The following TENM2 variants were observed in gnomAD, a reference collection of about 807,000 sequenced individuals.
TENM2 encodes the protein teneurin-2.
In TENM2, 52 loss-of-function variants were observed where a neutral mutation model predicts 245.2. The observed-to-expected ratio is 0.21, with a 90% CI of 0.17 to 0.27. The LOEUF (loss-of-function observed/expected upper bound fraction) is 0.27, where lower values mean the gene tolerates loss of function less well. Among genes scored for constraint, TENM2 ranks in the 10% least tolerant of loss-of-function variants. TENM2 has a pLI of 1.00. For missense variants in TENM2, 3,046 were observed against 3,666.8 expected, an observed-to-expected ratio of 0.83 and a Z score of 4.37; for synonymous variants, 1,363 against 1,438.9, an observed-to-expected ratio of 0.95 and a Z score of 1.19.
At chr5:167,840,899 G>C (rs1769447384) in intron 2 of TENM2, among the ~76,000 whole-genome samples, 1 of 152,138 alleles carries the variant, frequency 6.6e-6, no homozygotes, top group Non-Finnish European at 1.5e-5. Context: ...TCCGTTTGTG[G>C]GGTAATTGTG....
At chr5:166,979,238 C>CAGCAGCAGCAGCA in the TENM2 span, among the ~76,000 whole-genome samples, 1 of 103,108 alleles carries the variant, frequency 9.7e-6, no homozygotes, top group Non-Finnish European at 2.0e-5. Flanking sequence ...CAGCAGCAGC[C>CAGCAGCAGCAGCA]GCCGCGGCAA....
chr5:167,926,206 G>A lies in TENM2; in HGVS notation c.713-26382G>A, dbSNP rs192716360. Among the ~76,000 whole-genome samples the A allele has an allele frequency of 1.4e-3, 211 of 152,184 alleles. 2 individuals are homozygous for A. The highest frequency in any genetic ancestry group is 4.8e-3 in the African/African-American group (200 of 41,522). On this transcript the variant is annotated intron_variant, in intron 3 of 28. Coordinates refer to ENST00000518659, the Ensembl canonical transcript of TENM2. Reference sequence around the variant, plus strand: ...ATAAAAATAGGAAAGAAAGACCCACGTAAAGATGAAAATGAAAATCACCTG... The same window carrying A: ...ATAAAAATAGGAAAGAAAGACCCACATAAAGATGAAAATGAAAATCACCTG...
At chr5:167,975,752 C>T (rs188557674) in intron 4 of TENM2, among the ~76,000 whole-genome samples, 180 of 151,792 alleles carry the variant, frequency 1.2e-3, no homozygotes, top group African/African-American at 3.6e-3. Context: ...CTTCTGTTTG[C>T]TCATGCCTCA....
chr5:167,084,294 G>A, the TENM2 span, among the ~76,000 whole-genome samples: 4 of 119,526 alleles, frequency 3.3e-5, no homozygotes, highest in Non-Finnish European at 5.0e-5. Context: ...TATAAGCTCA[G>A]TGTTTTGGGA....
chr5:167,615,490 A>G (rs1242854131), intron 2 of TENM2, among the ~76,000 whole-genome samples: 1 of 151,976 alleles, frequency 6.6e-6, no homozygotes, highest in Admixed American at 6.6e-5. Context: ...TATTTATTGT[A>G]TTTTTTACCT....
rs114287695 is a variant in TENM2 at position 167,683,382 on chromosome 5, C to T, written c.503-192604C>T. 9.6e-3 allele frequency among the ~76,000 whole-genome samples: 1,466 copies of T among 152,242 alleles called. 23 individuals are homozygous for T. Among genetic ancestry groups the T allele is most frequent in the African/African-American group, 0.032 (1,320 of 41,542 alleles). On this transcript the variant is annotated intron_variant, in intron 2 of 28. Transcript: ENST00000518659. Reference sequence around the variant, plus strand: ...GGCTCCTATGATGTCATCCTTCCCCCGGTTGCACAAATGTCACTAACCTCT... The same window carrying T: ...GGCTCCTATGATGTCATCCTTCCCCTGGTTGCACAAATGTCACTAACCTCT...
chr5:167,070,284 A>ATTTTTTTTTTTTTTTTTTTTT, the TENM2 span, among the ~76,000 whole-genome samples: 93 of 99,312 alleles, frequency 9.4e-4, 1 homozygote, highest in East Asian at 2.9e-3. Context: ...CGCCCGGCTA[A>ATTTTTTTTTTTTTTTTTTTTT]TTTTTTTTTT....
chr5:167,320,204 GT>G (rs1372594793), intron 1 of TENM2, among the ~76,000 whole-genome samples: 2 of 152,166 alleles, frequency 1.3e-5, no homozygotes, highest in Non-Finnish European at 2.9e-5. Flanking sequence ...TAAAAACAGT[GT>G]TTGTCTTCTG....
intron 2 of TENM2, among the ~76,000 whole-genome samples, chr5:167,805,881 C>G (rs1277625726): frequency 6.6e-6 from 1 of 152,046 alleles, no homozygotes; most frequent in African/African-American, 2.4e-5. Context: ...GAATAATTGT[C>G]CTGGGGGGAC....
intron 13 of TENM2, among the ~76,000 whole-genome samples, chr5:168,188,549 A>G (rs929953768): frequency 6.6e-6 from 1 of 152,234 alleles, no homozygotes; most frequent in African/African-American, 2.4e-5. Flanking sequence ...TTCAACAAAC[A>G]TCTGTTGAGT....
At chr5:167,190,158 G>A in the TENM2 span, among the ~76,000 whole-genome samples, 1 of 152,096 alleles carries the variant, frequency 6.6e-6, no homozygotes, top group Non-Finnish European at 1.5e-5. Context: ...GAGTTGGAGA[G>A]TCACAGCCCT....
chr5:167,848,134 A>G (rs1000260561), intron 2 of TENM2, among the ~76,000 whole-genome samples: 5 of 152,198 alleles, frequency 3.3e-5, no homozygotes, highest in Non-Finnish European at 7.3e-5. Flanking sequence ...AGGAACATGT[A>G]GAGAAATAGA....
At chr5:168,153,751 C>T (rs1451867125) in intron 12 of TENM2, among the ~76,000 whole-genome samples, 1 of 152,142 alleles carries the variant, frequency 6.6e-6, no homozygotes, top group Non-Finnish European at 1.5e-5. Flanking sequence ...GGGCCCCATC[C>T]CCAGAGGTTC....
chr5:167,400,294 A>G (rs1762289736), intron 2 of TENM2, among the ~76,000 whole-genome samples: 1 of 152,002 alleles, frequency 6.6e-6, no homozygotes, highest in Non-Finnish European at 1.5e-5. Flanking sequence ...TTCAGAGGCA[A>G]CTTGACAGGG....
At chr5:167,858,003 C>T (rs1477284) in intron 2 of TENM2, among the ~76,000 whole-genome samples, 70,291 of 152,112 alleles carry the variant, frequency 0.46, 18,922 homozygotes, top group Non-Finnish European at 0.59. Context: ...TCTAAGGTTC[C>T]CTCTAAAGCT....
intron 3 of TENM2, among the ~76,000 whole-genome samples, chr5:167,895,316 A>G (rs1775132336): frequency 6.6e-6 from 1 of 152,124 alleles, no homozygotes; most frequent in Non-Finnish European, 1.5e-5. Context: ...TTGGGAAACA[A>G]TAAAGTAGGA....
intron 5 of TENM2, among the ~76,000 whole-genome samples, chr5:168,006,013 G>T (rs189593268): frequency 9.7e-4 from 147 of 152,298 alleles, no homozygotes; most frequent in Non-Finnish European, 8.8e-5. Flanking sequence ...GGCTTCTACA[G>T]AACAAGGAAG....
rs772517032 is a variant in TENM2, at chr5:167,929,122, AAAG to A, written c.713-23463_713-23461del. 1.3e-3 allele frequency among the ~76,000 whole-genome samples: 145 copies of A among 113,556 alleles called. 1 individual carries two copies. Among genetic ancestry groups the A allele is most frequent in the East Asian group, 0.012 (43 of 3,558 alleles). The allele number at this position is 113,556 out of a possible 152,430, so 74.5% of individuals were successfully genotyped here. On this transcript the variant is annotated intron_variant, in intron 3 of 28. Coordinates refer to ENST00000518659, the Ensembl canonical transcript of TENM2. ...GAAAGAAAGAAAGAAAGAAAGAAAG[AAAG>A]AAAGAAAAGAAAGAAGGGAGGGAGG...
chr5:167,218,111 C>G, the TENM2 span, among the ~76,000 whole-genome samples: 2 of 152,178 alleles, frequency 1.3e-5, no homozygotes, highest in Non-Finnish European at 2.9e-5. Context: ...CTAATACAAC[C>G]TTGTAGAGTT....
Sources: gnomAD v4.1 joint callset for allele counts (sites outside exome capture counted in the v4.1 genomes callset) on GRCh38, gnomAD v4.1.1 for gene constraint, MANE v1.5 for transcripts, NCBI Gene and HGNC (gene_info 2026-07-23, HGNC 2026-07-21) for gene names.